The following SMURF1 variants were observed in gnomAD, a reference collection of about 807,000 sequenced individuals.
The protein encoded by SMURF1 is SMAD specific E3 ubiquitin protein ligase 1.
SMURF1 carries 44 observed loss-of-function variants against 98.0 expected under a neutral mutation model. That is an observed-to-expected ratio of 0.45 (90% CI 0.35 to 0.58). The LOEUF (loss-of-function observed/expected upper bound fraction) is 0.58. Ranked by LOEUF, SMURF1 falls within the 20% of genes least tolerant of loss-of-function variation. The probability of loss-of-function intolerance (pLI) is 0.00; values close to 1 mark genes in which losing one functional copy is unlikely to be tolerated. For synonymous variants in SMURF1, 396 were observed against 374.9 expected, an observed-to-expected ratio of 1.06 and a Z score of -0.65; for missense variants, 687 against 938.4, an observed-to-expected ratio of 0.73 and a Z score of 3.50.
intron 1 of SMURF1, among the ~76,000 whole-genome samples, chr7:99,118,473 A>G (rs1445506450): frequency 6.6e-6 from 1 of 152,260 alleles, no homozygotes; most frequent in Non-Finnish European, 1.5e-5. Flanking sequence ...AAAGGAATGA[A>G]GTATTGATAC....
intron 1 of SMURF1, among the ~76,000 whole-genome samples, chr7:99,065,352 T>A (rs1045008969): frequency 6.6e-6 from 1 of 152,148 alleles, no homozygotes; most frequent in Non-Finnish European, 1.5e-5. Context: ...CCTCCCAAAA[T>A]GCTGGGATTA....
intron 1 of SMURF1, among the ~76,000 whole-genome samples, chr7:99,119,564 A>G (rs1319902942): frequency 6.6e-6 from 1 of 152,210 alleles, no homozygotes; most frequent in Non-Finnish European, 1.5e-5. Flanking sequence ...CAAATACAAG[A>G]TTATATAAAC....
At chr7:99,056,593 C>T (rs1320171261) in intron 5 of SMURF1, among the ~76,000 whole-genome samples, 1 of 152,146 alleles carries the variant, frequency 6.6e-6, no homozygotes, top group Non-Finnish European at 1.5e-5. Flanking sequence ...TTATTATCTA[C>T]CCTTGGATAA....
intron 1 of SMURF1, chr7:99,120,681 G>T (rs766342020): frequency 5.9e-5 from 9 of 151,674 alleles, no homozygotes; most frequent in Non-Finnish European, 1.0e-4. Flanking sequence ...GCAGTCTGTG[G>T]CTTAATTTAA....
intron 1 of SMURF1, 116 bp downstream of exon 1, chr7:99,143,610 G>A: frequency 2.4e-6 from 2 of 823,826 alleles, no homozygotes; most frequent in Admixed American, 3.8e-5. Flanking sequence ...AGGGGGTGAC[G>A]AGGTCCTGGG....
At chr7:99,043,290 C>CCTAA (rs1795453857) in intron 11 of SMURF1, among the ~76,000 whole-genome samples, 1 of 152,160 alleles carries the variant, frequency 6.6e-6, no homozygotes. Flanking sequence ...ATAAGTGTAG[C>CCTAA]CTAACTCCCA....
chr7:99,050,884 T>C (rs1439575891), intron 8 of SMURF1: 1 of 1,127,600 alleles, frequency 8.9e-7, no homozygotes, highest in Non-Finnish European at 1.1e-6. Flanking sequence ...AACTTAACTC[T>C]GTTATGGGGT....
intron 1 of SMURF1, among the ~76,000 whole-genome samples, chr7:99,100,721 A>G (rs1294552460): frequency 1.3e-5 from 2 of 152,258 alleles, no homozygotes; most frequent in Non-Finnish European, 2.9e-5. Flanking sequence ...GTCATAGCTT[A>G]TAAGTTAATA....
intron 1 of SMURF1, among the ~76,000 whole-genome samples, chr7:99,065,282 C>T (rs1170491033): frequency 3.3e-5 from 5 of 151,994 alleles, no homozygotes; most frequent in African/African-American, 1.2e-4. Flanking sequence ...GAAACGGGGT[C>T]TCAGTATGTT....
At chr7:99,078,748 A>G (rs953493111) in intron 1 of SMURF1, among the ~76,000 whole-genome samples, 2 of 152,232 alleles carry the variant, frequency 1.3e-5, no homozygotes, top group African/African-American at 4.8e-5. Context: ...ATGCCTGATG[A>G]TCTGTCACTG....
At chr7:99,102,279 C>T (rs575502574) in intron 1 of SMURF1, among the ~76,000 whole-genome samples, 12 of 152,240 alleles carry the variant, frequency 7.9e-5, no homozygotes, top group East Asian at 5.8e-4. Flanking sequence ...TAATATCCTA[C>T]GCATCTGTCT....
In SMURF1 at chr7:99,029,608, C is replaced by G. The variant is rs568468826; in HGVS notation, c.*976G>C. ...TTATCCTTTCACCATTGCTTTTAAGCGAGTTCACACCAAGCCAGCAGCTAT... is the reference window on the plus strand; with the variant it reads ...TTATCCTTTCACCATTGCTTTTAAGGGAGTTCACACCAAGCCAGCAGCTAT... On this transcript the variant is annotated 3_prime_UTR_variant, in exon 18 of 18. Transcript: ENST00000361368. 2.0e-5 allele frequency: 3 copies of G among 152,196 alleles called. No homozygotes were observed. Among genetic ancestry groups the G allele is most frequent in the East Asian group, 1.9e-4 (1 of 5,194 alleles). 9.4% of individuals were successfully genotyped at this position (152,196 alleles called of 1,614,324 possible).
At chr7:99,037,356 C>A (rs1448830366) in intron 14 of SMURF1, among the ~76,000 whole-genome samples, 169 bp from the exon 15 acceptor site, 1 of 152,124 alleles carries the variant, frequency 6.6e-6, no homozygotes, top group Non-Finnish European at 1.5e-5. Flanking sequence ...TTCTGCCTCA[C>A]CCTCCCCAGT....
At chr7:99,078,281 G>GAA (rs758770830) in intron 1 of SMURF1, among the ~76,000 whole-genome samples, 6 of 106,418 alleles carry the variant, frequency 5.6e-5, no homozygotes, top group African/African-American at 6.9e-5. Flanking sequence ...CAGCCTGGGC[G>GAA]AAAAAAAAAA....
rs751344088 is a variant in SMURF1, at chr7:99,042,281, A to C, written c.1257-49T>G. 4.4e-6 allele frequency: 5 copies of C among 1,128,960 alleles called. No individual in the cohort carries two copies. The Admixed American group carries it at 6.8e-5, about 15-fold the overall frequency. 69.9% of individuals were successfully genotyped at this position (1,128,960 alleles called of 1,614,324 possible). A position where few individuals can be genotyped will look rare whatever the true frequency, so the allele number is the denominator to read the frequency against. ...ATTTGAGACGCGCTAAAATTTCTAC[A>C]TTTTTTTTTTTTCCCTGAGATGGAG... On this transcript the variant is annotated intron_variant, in intron 11 of 17. Coordinates refer to ENST00000361368, the MANE Select transcript of SMURF1 (RefSeq NM_181349.3).
Position 99,099,106 on chromosome 7 carries a change from T to C in SMURF1, c.56-37269A>G, listed in dbSNP as rs371451003. 2.6e-5 allele frequency among the ~76,000 whole-genome samples: 4 copies of C among 152,214 alleles called. No homozygotes were observed. In the East Asian group the frequency reaches 7.7e-4, roughly 29 times the overall value. The stretch of plus-strand genomic sequence containing the variant: ...AATGTGTTTCTATGGAAGGTTTGGT[T>C]CAGGAACAAGAGGAGACTAGAGCCC... On this transcript the variant is annotated intron_variant, in intron 1 of 17. Transcript: ENST00000361368.
chr7:99,133,314 A>C lies in SMURF1; in HGVS notation c.55+10412T>G, dbSNP rs1435553705. On this transcript the variant is annotated intron_variant, in intron 1 of 17. Coordinates refer to ENST00000361368, the MANE Select transcript of SMURF1 (RefSeq NM_181349.3). Reference sequence around the variant, plus strand: ...AAAACACTAAAATTGGGGGAGGCTGAGTGAAGGGTACACAGGACCTCCCGG... The same window carrying C: ...AAAACACTAAAATTGGGGGAGGCTGCGTGAAGGGTACACAGGACCTCCCGG... Among the ~76,000 whole-genome samples, 7 of 152,082 alleles carry C rather than the reference A, an allele frequency of 4.6e-5. No individual in the cohort carries two copies. The East Asian group carries it at 1.2e-3, about 25-fold the overall frequency.
intron 14 of SMURF1, among the ~76,000 whole-genome samples, chr7:99,037,392 C>T (rs914556249): frequency 9.2e-5 from 14 of 152,178 alleles, no homozygotes; most frequent in African/African-American, 3.4e-4. Flanking sequence ...CACCCACCAC[C>T]ACACCTGGCT....
At chr7:99,106,372 A>C (rs1262892053) in intron 1 of SMURF1, among the ~76,000 whole-genome samples, 4 of 152,210 alleles carry the variant, frequency 2.6e-5, no homozygotes. Context: ...AAAACCTATC[A>C]TTAAGATACA....
Sources: allele counts gnomAD v4.1 joint callset (sites outside exome capture counted in the v4.1 genomes callset), GRCh38; gene constraint gnomAD v4.1.1; transcripts MANE v1.5; gene names NCBI Gene and HGNC (gene_info 2026-07-23, HGNC 2026-07-21).